The following DSCAM variants were observed in gnomAD, a reference collection of about 807,000 sequenced individuals.
The protein encoded by DSCAM is cell adhesion molecule DSCAM.
In DSCAM, 47 loss-of-function variants were observed where a neutral mutation model predicts 217.7. The ratio of observed to expected loss-of-function variants is 0.22; its 90% CI spans 0.17 to 0.28. The LOEUF (loss-of-function observed/expected upper bound fraction) is 0.28. DSCAM is among the 10% of genes least tolerant of loss of function. The pLI, the probability that DSCAM is intolerant of heterozygous loss-of-function variation, is 1.00. For missense variants in DSCAM, 2,080 were observed against 2,618.3 expected, an observed-to-expected ratio of 0.79 and a Z score of 4.49; for synonymous variants, 1,056 against 1,015.3, an observed-to-expected ratio of 1.04 and a Z score of -0.76.
At chr21:40,199,340 A>G (rs1318578916) in intron 11 of DSCAM, among the ~76,000 whole-genome samples, 1 of 152,170 alleles carries the variant, frequency 6.6e-6, no homozygotes, top group Non-Finnish European at 1.5e-5. Context: ...ATTCTTTTTT[A>G]TGGCTGCATA....
At chr21:40,103,309 A>C (rs751461876) in intron 20 of DSCAM, among the ~76,000 whole-genome samples, 21 of 151,892 alleles carry the variant, frequency 1.4e-4, no homozygotes, top group Non-Finnish European at 2.5e-4. Context: ...GATTTCATAG[A>C]TAGAATGTCC....
At chr21:40,527,414 T>A (rs952786958) in intron 3 of DSCAM, among the ~76,000 whole-genome samples, 1 of 152,172 alleles carries the variant, frequency 6.6e-6, no homozygotes, top group African/African-American at 2.4e-5. Flanking sequence ...TTCTGCACAC[T>A]CTCTCTCTGA....
intron 3 of DSCAM, among the ~76,000 whole-genome samples, chr21:40,423,875 G>A (rs1026446067): frequency 5.9e-5 from 9 of 152,256 alleles, no homozygotes; most frequent in East Asian, 1.9e-4. Flanking sequence ...ATCCAAGAGC[G>A]GAGGCTGTGA....
At chr21:40,262,849 C>T (rs1601496022) in intron 11 of DSCAM, among the ~76,000 whole-genome samples, 1 of 152,334 alleles carries the variant, frequency 6.6e-6, no homozygotes, top group East Asian at 1.9e-4. Context: ...AAGAACTCAG[C>T]AAATGTTTCT....
intron 3 of DSCAM, among the ~76,000 whole-genome samples, chr21:40,435,237 C>T (rs77719875): frequency 1.4e-3 from 215 of 152,330 alleles, no homozygotes; most frequent in African/African-American, 5.0e-3. Context: ...AAGGAAAATC[C>T]TGTGAGCCCG....
intron 3 of DSCAM, among the ~76,000 whole-genome samples, chr21:40,518,369 ATAATAT>A (rs2076320544): frequency 2.3e-5 from 1 of 43,734 alleles, no homozygotes; most frequent in South Asian, 9.5e-4. Context: ...ATATATATAT[ATAATAT>A]ATATATAATA....
At chr21:40,317,705 GT>G (rs1435220905) in intron 8 of DSCAM, among the ~76,000 whole-genome samples, 1 of 151,816 alleles carries the variant, frequency 6.6e-6, no homozygotes. Flanking sequence ...AATTTTTTTT[GT>G]ATTTTTAGTA....
intron 3 of DSCAM, among the ~76,000 whole-genome samples, chr21:40,477,756 C>G (rs2075949585): frequency 6.6e-6 from 1 of 152,098 alleles, no homozygotes; most frequent in Non-Finnish European, 1.5e-5. Flanking sequence ...TCCAATCATG[C>G]ATTTTCATTT....
Position 40,637,738 on chromosome 21 carries a change from T to C in DSCAM, c.508+55072A>G, listed in dbSNP as rs192515885. ...GCCAGGCTGGAGTGCAATGGCATGA[T>C]GTTGGCTCACTGCAACCTTTGTCTC... On this transcript the variant is annotated intron_variant, in intron 3 of 32. Coordinates refer to ENST00000400454, the MANE Select transcript of DSCAM (RefSeq NM_001389.5). Among the ~76,000 whole-genome samples, 944 of 146,336 alleles carry C rather than the reference T, an allele frequency of 6.5e-3. 8 individuals carry two copies. The highest frequency in any genetic ancestry group is 0.023 in the African/African-American group (896 of 39,252).
rs2837520 is a variant in DSCAM at position 40,232,238 on chromosome 21, G to T, written c.2357-43000C>A. On this transcript the variant is annotated intron_variant, in intron 11 of 32. Coordinates refer to ENST00000400454, the MANE Select transcript of DSCAM (RefSeq NM_001389.5). ...AGCCCTGAAGACAGGAGAAACAAGA[G>T]AAAAATTCAAATATGAAGAAGCCAA... Among the ~76,000 whole-genome samples, 4 of 151,958 alleles carry T rather than the reference G, an allele frequency of 2.6e-5. No homozygotes were observed. In the East Asian group the frequency reaches 7.7e-4, roughly 29 times the overall value.
At chr21:40,683,459 A>G (rs2090437341) in intron 3 of DSCAM, among the ~76,000 whole-genome samples, 1 of 152,204 alleles carries the variant, frequency 6.6e-6, no homozygotes, top group African/African-American at 2.4e-5. Flanking sequence ...GAAGGAAGGA[A>G]GAAAGTAAAG....
At chr21:40,419,057 G>A (rs976661840) in intron 3 of DSCAM, among the ~76,000 whole-genome samples, 18 of 151,974 alleles carry the variant, frequency 1.2e-4, no homozygotes, top group African/African-American at 1.9e-4. Flanking sequence ...TGCAAACTCT[G>A]CCTCCCGGGT....
Position 40,012,478 on chromosome 21 carries a change from T to G in DSCAM, c.*556A>C, listed in dbSNP as rs1004597498. The G allele has an allele frequency of 5.3e-5, 8 of 152,100 alleles. No homozygotes were observed. The highest frequency in any genetic ancestry group is 1.9e-4 in the African/African-American group (8 of 41,390). The allele number at this position is 152,100 out of a possible 1,614,324, so 9.4% of individuals were successfully genotyped here. A position where few individuals can be genotyped will look rare whatever the true frequency, so the allele number is the denominator to read the frequency against. ...AAATGCAAAGAGTGTCTCATTAAAT[T>G]AAAAAAGAAACAAGAGAGAAAACCA... On this transcript the variant is annotated 3_prime_UTR_variant, in exon 33 of 33. Coordinates refer to ENST00000400454, the MANE Select transcript of DSCAM (RefSeq NM_001389.5).
intron 3 of DSCAM, among the ~76,000 whole-genome samples, chr21:40,530,900 TCCATCCATCCATCCATTCAA>T (rs1475235258): frequency 2.3e-4 from 19 of 81,164 alleles, no homozygotes; most frequent in Non-Finnish European, 2.3e-4. Context: ...CATCCATCCA[TCCATCCATCCATCCATTCAA>T]CCATCCATCC....
chr21:40,085,572 A>T (rs1211568338), intron 23 of DSCAM, 30 bp downstream of exon 23: 1 of 1,452,988 alleles, frequency 6.9e-7, no homozygotes, highest in Non-Finnish European at 9.2e-7. Context: ...TGTAAAAGAT[A>T]TCATTAAAAA....
chr21:40,054,892 A>T (rs1464135064), intron 29 of DSCAM, among the ~76,000 whole-genome samples: 2 of 152,188 alleles, frequency 1.3e-5, no homozygotes, highest in Admixed American at 1.3e-4. Context: ...CTTCTTTCAT[A>T]TGTTGGTTGA....
intron 5 of DSCAM, 104 bp downstream of exon 5, chr21:40,353,361 T>C: frequency 1.4e-6 from 2 of 1,474,134 alleles, no homozygotes; most frequent in Non-Finnish European, 1.8e-6. Context: ...TGGACTGTTT[T>C]GGGAGTTAAT....
intron 3 of DSCAM, among the ~76,000 whole-genome samples, chr21:40,520,823 T>C (rs1283194939): frequency 2.0e-5 from 3 of 151,906 alleles, no homozygotes; most frequent in Non-Finnish European, 4.4e-5. Flanking sequence ...AATAAATAAA[T>C]AAATAGAAAA....
At position 40,529,147 on chromosome 21, in the gene DSCAM, G is replaced by A. The variant is rs568177132; in HGVS notation, c.509-159902C>T. Among the ~76,000 whole-genome samples the A allele has an allele frequency of 7.2e-5, 11 of 151,854 alleles. No homozygotes were observed. The South Asian group carries it at 1.9e-3, about 26-fold the overall frequency. On this transcript the variant is annotated intron_variant, in intron 3 of 32. Transcript: ENST00000400454. Reference sequence around the variant, plus strand: ...TCTCGATCTCCTGACCTCGTGATCCGCCCTCCTCAGCCTCCCAAAATTACA... The same window carrying A: ...TCTCGATCTCCTGACCTCGTGATCCACCCTCCTCAGCCTCCCAAAATTACA...
Sources: allele counts gnomAD v4.1 joint callset (sites outside exome capture counted in the v4.1 genomes callset), GRCh38; gene constraint gnomAD v4.1.1; transcripts MANE v1.5; gene names NCBI Gene and HGNC (gene_info 2026-07-23, HGNC 2026-07-21).